The following ITK variants were observed in gnomAD, a reference collection of about 807,000 sequenced individuals.
ITK encodes IL2 inducible T cell kinase, also known as tyrosine-protein kinase ITK/TSK.
In ITK, 45 loss-of-function variants were observed where a neutral mutation model predicts 87.6. That is an observed-to-expected ratio of 0.51 (90% CI 0.40 to 0.66). The LOEUF is 0.66. Ranked by LOEUF, ITK falls within the 30% of genes least tolerant of loss-of-function variation. ITK has a pLI of 0.00. For synonymous variants in ITK, 303 were observed against 273.6 expected, an observed-to-expected ratio of 1.11 and a Z score of -1.06; for missense variants, 605 against 766.3, an observed-to-expected ratio of 0.79 and a Z score of 2.48.
intron 1 of ITK, among the ~76,000 whole-genome samples, chr5:157,201,458 T>C (rs1047683924): frequency 1.3e-5 from 2 of 151,998 alleles, no homozygotes; most frequent in Non-Finnish European, 2.9e-5. Flanking sequence ...CCACCATGCC[T>C]GGCTAATTTT....
At chr5:157,222,003 G>A (rs59990394) in intron 5 of ITK, among the ~76,000 whole-genome samples, 11,107 of 151,864 alleles carry the variant, frequency 0.073, 653 homozygotes, top group South Asian at 0.23. Flanking sequence ...AAAAAAATCC[G>A]ATCTGGGCTC....
chr5:157,232,695 G>C (rs143298183), intron 8 of ITK, among the ~76,000 whole-genome samples: 4 of 152,238 alleles, frequency 2.6e-5, no homozygotes, highest in Non-Finnish European at 5.9e-5. Flanking sequence ...GCAGTGGGTT[G>C]ACATGTTGGA....
chr5:157,210,635 CT>C (rs1754171797), intron 2 of ITK, among the ~76,000 whole-genome samples: 1 of 150,178 alleles, frequency 6.7e-6, no homozygotes, highest in South Asian at 2.1e-4. Flanking sequence ...TGCTGGTGCG[CT>C]GCACCCACTA....
intron 15 of ITK, among the ~76,000 whole-genome samples, chr5:157,247,410 A>C (rs150786827): frequency 1.5e-3 from 223 of 152,318 alleles, no homozygotes; most frequent in African/African-American, 5.2e-3. Context: ...GCTGATGTGC[A>C]GTCATCTCAC....
chr5:157,237,013 C>T (rs763858503), intron 8 of ITK, among the ~76,000 whole-genome samples: 8 of 152,076 alleles, frequency 5.3e-5, no homozygotes, highest in Non-Finnish European at 1.0e-4. Context: ...GGTGATTTCT[C>T]AAAAAACTAA....
chr5:157,238,296 A>G, intron 9 of ITK, 105 bp downstream of exon 9: 1 of 853,012 alleles, frequency 1.2e-6, no homozygotes, highest in East Asian at 2.5e-5. Flanking sequence ...GTAGAGGCTC[A>G]CTAGAAATGG....
chr5:157,187,433 C>T (rs966028449), intron 1 of ITK, among the ~76,000 whole-genome samples: 2 of 152,186 alleles, frequency 1.3e-5, no homozygotes, highest in Non-Finnish European at 2.9e-5. Context: ...GGTATAGATT[C>T]AGCTGGAGAG....
intron 1 of ITK, among the ~76,000 whole-genome samples, chr5:157,200,990 A>T (rs1377324126): frequency 6.6e-6 from 1 of 152,188 alleles, no homozygotes; most frequent in Non-Finnish European, 1.5e-5. Flanking sequence ...GTGGATAACA[A>T]TTTTTTTAAT....
At chr5:157,243,124 T>C (rs573961820) in intron 11 of ITK, among the ~76,000 whole-genome samples, 2 of 152,240 alleles carry the variant, frequency 1.3e-5, no homozygotes, top group Non-Finnish European at 2.9e-5. Context: ...TATTTGTTTG[T>C]TAAACATTTC....
At chr5:157,232,596 AG>A in intron 8 of ITK, among the ~76,000 whole-genome samples, 3 of 71,672 alleles carry the variant, frequency 4.2e-5, no homozygotes, top group African/African-American at 2.3e-4. Context: ...AAAGAGAGGA[AG>A]GGAGGGAGGG....
intron 15 of ITK, among the ~76,000 whole-genome samples, chr5:157,246,258 C>T (rs920713156): frequency 2.6e-5 from 4 of 152,330 alleles, no homozygotes; most frequent in South Asian, 4.1e-4. Flanking sequence ...GCTGTGAAGT[C>T]AAAAGCTGGA....
intron 1 of ITK, among the ~76,000 whole-genome samples, chr5:157,200,799 T>G (rs76816525): frequency 0.11 from 16,040 of 152,206 alleles, 1,328 homozygotes; most frequent in African/African-American, 0.23. Flanking sequence ...TGTGAGTTGG[T>G]AGGAGAACTC....
At chr5:157,206,243 C>A (rs917709203) in intron 1 of ITK, among the ~76,000 whole-genome samples, 1 of 152,154 alleles carries the variant, frequency 6.6e-6, no homozygotes, top group African/African-American at 2.4e-5. Context: ...GCATGAGCCA[C>A]CACGCCTGGC....
intron 1 of ITK, among the ~76,000 whole-genome samples, chr5:157,196,986 A>G (rs1196775115): frequency 6.6e-6 from 1 of 152,144 alleles, no homozygotes; most frequent in Non-Finnish European, 1.5e-5. Context: ...TCTTGCTCCT[A>G]ATTTCCACAT....
At position 157,229,656 on chromosome 5, in the gene ITK, G is replaced by A. The variant is rs527751743; in HGVS notation, c.713+1295G>A. On this transcript the variant is annotated intron_variant, in intron 7 of 16. Transcript: ENST00000422843. The stretch of plus-strand genomic sequence containing the variant: ...AGGTCGGGCGCAGTGGCCCACACCT[G>A]TAGTCTCAACACTTTGGGAGGCTGA... 2.6e-5 allele frequency among the ~76,000 whole-genome samples: 4 copies of A among 152,346 alleles called. No individual in the cohort carries two copies. In the East Asian group the frequency reaches 7.7e-4, roughly 29 times the overall value.
chr5:157,187,909 T>C (rs1753677794), intron 1 of ITK, among the ~76,000 whole-genome samples: 1 of 151,874 alleles, frequency 6.6e-6, no homozygotes, highest in Non-Finnish European at 1.5e-5. Flanking sequence ...AAGTGATCCT[T>C]CTGCCTCAAC....
intron 16 of ITK, among the ~76,000 whole-genome samples, 162 bp downstream of exon 16, chr5:157,249,169 C>T (rs1755090497): frequency 6.6e-6 from 1 of 152,236 alleles, no homozygotes; most frequent in South Asian, 2.1e-4. Context: ...GATAGATCCC[C>T]CATCCCTAAA....
In ITK at chr5:157,254,704, G is replaced by A. The variant is rs968841146; in HGVS notation, c.*2026G>A. ...TAGAATTTTGTACATTATCTTTTGG[G>A]ATCCTTAATTAGAGATGATTTCTGG... On this transcript the variant is annotated 3_prime_UTR_variant, in exon 17 of 17. Transcript: ENST00000422843. 4.6e-6 allele frequency: 1 copy of A among 218,566 alleles called. No homozygotes were observed. The highest frequency in any genetic ancestry group is 9.2e-6 in the Non-Finnish European group (1 of 109,050). 13.5% of individuals were successfully genotyped at this position (218,566 alleles called of 1,614,324 possible). A position where few individuals can be genotyped will look rare whatever the true frequency, so the allele number is the denominator to read the frequency against.
intron 7 of ITK, 37 bp from the exon 8 acceptor site, chr5:157,232,303 A>C: frequency 2.2e-6 from 3 of 1,393,548 alleles, no homozygotes; most frequent in Non-Finnish European, 3.1e-6. Flanking sequence ...GAAACTTTAA[A>C]ATATGTCATT....
Sources: gnomAD v4.1 joint callset for allele counts (sites outside exome capture counted in the v4.1 genomes callset) on GRCh38, gnomAD v4.1.1 for gene constraint, MANE v1.5 for transcripts, NCBI Gene and HGNC (gene_info 2026-07-23, HGNC 2026-07-21) for gene names.